The following ZMIZ1 variants were observed in gnomAD, a reference collection of about 807,000 sequenced individuals.
ZMIZ1 encodes zinc finger MIZ domain-containing protein 1.
A neutral mutation model predicts 113.9 loss-of-function variants in ZMIZ1; 17 were observed. That is an observed-to-expected ratio of 0.15 (90% CI 0.10 to 0.22). The LOEUF is 0.22. ZMIZ1 is among the 10% of genes least tolerant of loss of function. ZMIZ1 has a pLI of 1.00. For synonymous variants in ZMIZ1, 607 were observed against 603.1 expected (o/e 1.01, Z -0.09); for missense variants, 1,059 against 1,477.8 (o/e 0.72, Z 4.65).
intron 11 of ZMIZ1, among the ~76,000 whole-genome samples, chr10:79,293,117 C>T (rs560740164): frequency 7.2e-5 from 11 of 152,008 alleles, no homozygotes; most frequent in East Asian, 3.9e-4. Flanking sequence ...GCCTGTGCAT[C>T]GGAGTGACCA....
rs139993226 is a variant in ZMIZ1, at chr10:79,266,613, G to A, written c.281-10568G>A. ...ATGGCCCTGAGGCTGCACTGATGGT[G>A]CGGTGGTCTCGCTAGAGCCAACCCT... is the stretch of plus-strand genomic sequence containing the variant. On this transcript the variant is annotated intron_variant, in intron 7 of 24. Coordinates refer to ENST00000334512, the MANE Select transcript of ZMIZ1 (RefSeq NM_020338.4). Among the ~76,000 whole-genome samples, 372 of 152,252 alleles carry A rather than the reference G, an allele frequency of 2.4e-3. 2 individuals carry two copies. Among genetic ancestry groups the A allele is most frequent in the Middle Eastern group, 0.014 (4 of 294 alleles).
chr10:79,086,099 A>G (rs1842803531), intron 1 of ZMIZ1, among the ~76,000 whole-genome samples: 1 of 152,162 alleles, frequency 6.6e-6, no homozygotes, highest in African/African-American at 2.4e-5. Flanking sequence ...TCCCTACTCC[A>G]GACCCCCAGG....
intron 2 of ZMIZ1, among the ~76,000 whole-genome samples, chr10:79,122,857 C>T (rs988440171): frequency 2.6e-5 from 4 of 152,152 alleles, no homozygotes; most frequent in African/African-American, 9.7e-5. Flanking sequence ...CACCCTCGGC[C>T]GCCTCATCTT....
chr10:79,212,896 C>G (rs2764817), intron 6 of ZMIZ1, among the ~76,000 whole-genome samples: 34,215 of 152,162 alleles, frequency 0.22, 4,917 homozygotes, highest in Non-Finnish European at 0.34. Context: ...GCCACCATAC[C>G]CAGTCAAGTT....
chr10:79,312,978 C>A lies in ZMIZ1; in HGVS notation c.*229C>A, dbSNP rs1855298979. 1 of 561,772 alleles carries A rather than the reference C, an allele frequency of 1.8e-6. No individual in the cohort carries two copies. The highest frequency in any genetic ancestry group is 3.0e-5 in the East Asian group (1 of 33,840). 34.8% of individuals were successfully genotyped at this position (561,772 alleles called of 1,614,324 possible). ...CTGGAGCCCACGTCCCACCTCCACA[C>A]CCTTGGCTTGGGCCCATGCCCAGCG... is the stretch of plus-strand genomic sequence containing the variant. On this transcript the variant is annotated 3_prime_UTR_variant, in exon 25 of 25. Coordinates refer to ENST00000334512, the MANE Select transcript of ZMIZ1 (RefSeq NM_020338.4).
chr10:79,244,069 C>T (rs1382813035), intron 7 of ZMIZ1, among the ~76,000 whole-genome samples: 1 of 151,486 alleles, frequency 6.6e-6, no homozygotes, highest in Admixed American at 6.5e-5. Flanking sequence ...TCGGCTCACG[C>T]TGCAAAAATA....
intron 7 of ZMIZ1, among the ~76,000 whole-genome samples, chr10:79,231,472 G>C (rs1849390249): frequency 6.6e-6 from 1 of 152,178 alleles, no homozygotes; most frequent in African/African-American, 2.4e-5. Context: ...TTGAACTCCT[G>C]AACTCAGGTG....
At chr10:79,148,893 C>G (rs1040210563) in intron 3 of ZMIZ1, among the ~76,000 whole-genome samples, 1 of 152,220 alleles carries the variant, frequency 6.6e-6, no homozygotes, top group Non-Finnish European at 1.5e-5. Context: ...GCTTTCCTCC[C>G]TGCAGGCAGA....
At chr10:79,119,951 GAA>G in intron 2 of ZMIZ1, among the ~76,000 whole-genome samples, 3 of 120,700 alleles carry the variant, frequency 2.5e-5, no homozygotes, top group Non-Finnish European at 5.5e-5. Context: ...CGGTGCAAGG[GAA>G]AGGGGCCTGT....
chr10:79,189,424 TC>T (rs1847503175), intron 4 of ZMIZ1, among the ~76,000 whole-genome samples: 3 of 152,222 alleles, frequency 2.0e-5, no homozygotes, highest in Non-Finnish European at 4.4e-5. Context: ...GAGTGAATGT[TC>T]ACCTGCTCAG....
At chr10:79,189,974 C>G (rs1002322247) in intron 4 of ZMIZ1, among the ~76,000 whole-genome samples, 6 of 152,224 alleles carry the variant, frequency 3.9e-5, no homozygotes, top group Non-Finnish European at 8.8e-5. Context: ...GACGCACGCC[C>G]CTCCCATGCC....
intron 23 of ZMIZ1, among the ~76,000 whole-genome samples, chr10:79,309,082 C>G (rs761149982): frequency 1.3e-5 from 2 of 152,182 alleles, no homozygotes; most frequent in Non-Finnish European, 2.9e-5. Flanking sequence ...AAACTTCTAC[C>G]ACACCTGCCC....
chr10:79,306,837 TGA>T (rs1345561226), intron 22 of ZMIZ1, among the ~76,000 whole-genome samples: 1 of 152,164 alleles, frequency 6.6e-6, no homozygotes, highest in Non-Finnish European at 1.5e-5. Flanking sequence ...TAGGTCCCCA[TGA>T]GAGGCCCAGT....
intron 4 of ZMIZ1, among the ~76,000 whole-genome samples, chr10:79,166,984 C>T (rs552549665): frequency 2.0e-5 from 3 of 152,346 alleles, no homozygotes; most frequent in South Asian, 4.1e-4. Flanking sequence ...CTTCTGCCAG[C>T]GCCCTGGGCT....
At chr10:79,157,233 T>TGACAGGA (rs1845933469) in intron 3 of ZMIZ1, among the ~76,000 whole-genome samples, 1 of 152,186 alleles carries the variant, frequency 6.6e-6, no homozygotes, top group Non-Finnish European at 1.5e-5. Context: ...AGCTCCCTGG[T>TGACAGGA]GACAGGATTG....
At chr10:79,176,495 G>A (rs536663493) in intron 4 of ZMIZ1, among the ~76,000 whole-genome samples, 1 of 152,220 alleles carries the variant, frequency 6.6e-6, no homozygotes, top group East Asian at 1.9e-4. Context: ...TGAGGCTCAG[G>A]GAGGTAGGGA....
intron 7 of ZMIZ1, among the ~76,000 whole-genome samples, chr10:79,275,495 G>T (rs994996191): frequency 1.3e-5 from 2 of 152,250 alleles, no homozygotes; most frequent in South Asian, 2.1e-4. Flanking sequence ...ACTTCTCGGG[G>T]CTTTGGGCTG....
chr10:79,072,070 G>T (rs1564633969), intron 1 of ZMIZ1, among the ~76,000 whole-genome samples: 1 of 152,128 alleles, frequency 6.6e-6, no homozygotes, highest in African/African-American at 2.4e-5. Flanking sequence ...TTGGGAATAA[G>T]AAATTGCTGG....
chr10:79,286,478 G>C (rs920785160), intron 8 of ZMIZ1, among the ~76,000 whole-genome samples: 1 of 152,262 alleles, frequency 6.6e-6, no homozygotes, highest in African/African-American at 2.4e-5. Flanking sequence ...TCTGCAGCAG[G>C]TGCGTGTGGA....
Sources: gnomAD v4.1 joint callset for allele counts (sites outside exome capture counted in the v4.1 genomes callset) on GRCh38, gnomAD v4.1.1 for gene constraint, MANE v1.5 for transcripts, NCBI Gene and HGNC (gene_info 2026-07-23, HGNC 2026-07-21) for gene names.